DYNC1I1: variants seen among roughly 807,000 people sequenced by gnomAD.
DYNC1I1 encodes the protein dynein cytoplasmic 1 intermediate chain 1, also known as cytoplasmic dynein 1 intermediate chain 1.
In DYNC1I1, 43 loss-of-function variants were observed where a neutral mutation model predicts 86.6. The observed-to-expected ratio is 0.50, with a 90% CI of 0.39 to 0.64. DYNC1I1 has a LOEUF of 0.64. Ranked by LOEUF, DYNC1I1 falls within the 30% of genes least tolerant of loss-of-function variation. The pLI, the probability that DYNC1I1 is intolerant of heterozygous loss-of-function variation, is 0.00. For synonymous variants in DYNC1I1, 262 were observed against 283.7 expected (o/e 0.92, Z 0.77); for missense variants, 604 against 788.8 (o/e 0.77, Z 2.81).
chr7:96,107,549 T>G (rs1050731748), intron 16 of DYNC1I1, among the ~76,000 whole-genome samples: 19 of 151,012 alleles, frequency 1.3e-4, no homozygotes, highest in African/African-American at 4.1e-4. Flanking sequence ...TTTTTTTTTT[T>G]GAAATAGAGT....
chr7:95,865,542 A>G (rs1011998048), intron 5 of DYNC1I1, among the ~76,000 whole-genome samples: 2 of 152,230 alleles, frequency 1.3e-5, no homozygotes, highest in African/African-American at 2.4e-5. Context: ...TTTGCAGTCT[A>G]GTCATGGGTG....
At chr7:95,844,597 C>T (rs1008334160) in intron 5 of DYNC1I1, among the ~76,000 whole-genome samples, 10 of 151,612 alleles carry the variant, frequency 6.6e-5, no homozygotes, top group South Asian at 4.2e-4. Context: ...GGTCGGGCGG[C>T]GGGGGGTTAG....
intron 1 of DYNC1I1, among the ~76,000 whole-genome samples, chr7:95,793,123 C>T (rs557995754): frequency 3.9e-5 from 6 of 152,072 alleles, no homozygotes; most frequent in East Asian, 3.9e-4. Flanking sequence ...ATCATCAGGG[C>T]GCAAGTTTAG....
chr7:96,003,122 C>G (rs563015068), intron 10 of DYNC1I1, among the ~76,000 whole-genome samples: 1 of 152,300 alleles, frequency 6.6e-6, no homozygotes, highest in African/African-American at 2.4e-5. Context: ...GGATTACAGG[C>G]GTGAGCCATT....
chr7:95,832,459 T>C (rs62469572), intron 5 of DYNC1I1, among the ~76,000 whole-genome samples: 27,101 of 151,542 alleles, frequency 0.18, 2,530 homozygotes, highest in Middle Eastern at 0.21. Flanking sequence ...AGCAGCATGA[T>C]TTATAGTCCT....
At chr7:95,910,200 CCT>C (rs1337633803) in intron 6 of DYNC1I1, among the ~76,000 whole-genome samples, 3 of 152,146 alleles carry the variant, frequency 2.0e-5, no homozygotes, top group Non-Finnish European at 2.9e-5. Context: ...CCTCCTAAGG[CCT>C]GTGAATTATT....
downstream of DYNC1I1, among the ~76,000 whole-genome samples, chr7:96,103,073 C>T (rs1791158791): frequency 6.6e-6 from 1 of 152,180 alleles, no homozygotes; most frequent in African/African-American, 2.4e-5. Context: ...CTCAAAAGCC[C>T]ATTGTCACCC....
At chr7:96,007,903 G>A (rs1562970165) in intron 10 of DYNC1I1, among the ~76,000 whole-genome samples, 1 of 152,170 alleles carries the variant, frequency 6.6e-6, no homozygotes, top group Non-Finnish European at 1.5e-5. Context: ...CACTGGCTCT[G>A]AGCCTGAGGG....
chr7:95,938,111 G>A (rs1485224288), intron 6 of DYNC1I1, among the ~76,000 whole-genome samples: 1 of 152,090 alleles, frequency 6.6e-6, no homozygotes, highest in Non-Finnish European at 1.5e-5. Context: ...TGAGACCTTA[G>A]CAGTTTGTTT....
At chr7:95,798,016 T>A (rs1169156713) in intron 1 of DYNC1I1, among the ~76,000 whole-genome samples, 1 of 152,188 alleles carries the variant, frequency 6.6e-6, no homozygotes, top group African/African-American at 2.4e-5. Context: ...TGTTGTTATT[T>A]TAAAATAATT....
chr7:96,084,354 AG>A (rs1172847718), intron 16 of DYNC1I1, among the ~76,000 whole-genome samples: 1 of 149,762 alleles, frequency 6.7e-6, no homozygotes, highest in Non-Finnish European at 1.5e-5. Context: ...CTAGATCATT[AG>A]GAAGAAAGAG....
chr7:96,080,794 G>A (rs545298634), intron 16 of DYNC1I1, among the ~76,000 whole-genome samples: 1 of 152,166 alleles, frequency 6.6e-6, no homozygotes, highest in Non-Finnish European at 1.5e-5. Context: ...TTTAGAGGCT[G>A]GGTGCGGTGC....
At position 95,883,518 on chromosome 7, in the gene DYNC1I1, C is replaced by T. The variant is rs182346846; in HGVS notation, c.490+13520C>T. Among the ~76,000 whole-genome samples, 14 of 152,156 alleles carry T rather than the reference C, an allele frequency of 9.2e-5. No homozygotes were observed. The East Asian group carries it at 1.5e-3, about 17-fold the overall frequency. On this transcript the variant is annotated intron_variant, in intron 6 of 16. Coordinates refer to ENST00000447467, the MANE Select transcript of DYNC1I1 (RefSeq NM_001135556.2). ...TTCATAGTAGCCCCGAGGTAGTTTC[C>T]GTGGAATGACATGGTGGTGAAATTT...
intron 16 of DYNC1I1, among the ~76,000 whole-genome samples, chr7:96,094,265 T>C (rs1790932069): frequency 1.3e-5 from 2 of 152,224 alleles, no homozygotes; most frequent in Admixed American, 1.3e-4. Context: ...AATACATTTA[T>C]ATGCAAGGTA....
chr7:95,924,266 G>C (rs1012730494), intron 6 of DYNC1I1, among the ~76,000 whole-genome samples: 1 of 152,110 alleles, frequency 6.6e-6, no homozygotes, highest in Non-Finnish European at 1.5e-5. Flanking sequence ...CTAAATGTGT[G>C]TTCCTTCCAA....
intron 6 of DYNC1I1, among the ~76,000 whole-genome samples, chr7:95,973,554 A>G (rs1408659051): frequency 6.6e-6 from 1 of 152,170 alleles, no homozygotes; most frequent in Non-Finnish European, 1.5e-5. Flanking sequence ...CCGATCAAAA[A>G]CATATTCTCT....
chr7:96,010,238 G>T (rs1794243265), intron 10 of DYNC1I1, among the ~76,000 whole-genome samples: 2 of 152,252 alleles, frequency 1.3e-5, no homozygotes, highest in South Asian at 4.2e-4. Context: ...GGTTGACCCG[G>T]AACACCCCAG....
intron 6 of DYNC1I1, among the ~76,000 whole-genome samples, chr7:95,872,267 G>A (rs1790192816): frequency 6.6e-6 from 1 of 152,212 alleles, no homozygotes; most frequent in Non-Finnish European, 1.5e-5. Context: ...GGAATTTTAT[G>A]ACACAATGAG....
intron 10 of DYNC1I1, among the ~76,000 whole-genome samples, chr7:96,010,502 G>A (rs940878492): frequency 2.6e-5 from 4 of 152,164 alleles, no homozygotes; most frequent in Admixed American, 2.6e-4. Flanking sequence ...CATCCTTGCT[G>A]TGGAATGAAA....
Sources: gnomAD v4.1 joint callset for allele counts (sites outside exome capture counted in the v4.1 genomes callset) on GRCh38, gnomAD v4.1.1 for gene constraint, MANE v1.5 for transcripts, NCBI Gene and HGNC (gene_info 2026-07-23, HGNC 2026-07-21) for gene names.